Variants in KBTBD12 observed in about 807,000 individuals in gnomAD.
KBTBD12 encodes kelch repeat and BTB domain containing 12.
KBTBD12 carries 53 observed loss-of-function variants against 58.7 expected under a neutral mutation model. The observed-to-expected ratio is 0.90, with a 90% CI of 0.72 to 1.14. The LOEUF is 1.14. Ranked by LOEUF, KBTBD12 falls within the 50% of genes most tolerant of loss-of-function variation. The pLI, the probability that KBTBD12 is intolerant of heterozygous loss-of-function variation, is 0.00. For synonymous variants in KBTBD12, 236 were observed against 259.8 expected (o/e 0.91, Z 0.88); for missense variants, 704 against 751.3 (o/e 0.94, Z 0.74).
At chr3:127,966,700 C>T (rs1407900798) in intron 5 of KBTBD12, among the ~76,000 whole-genome samples, 1 of 145,420 alleles carries the variant, frequency 6.9e-6, no homozygotes, top group African/African-American at 2.4e-5. Context: ...ATAAATTATC[C>T]ATGAAGTAAA....
chr3:127,964,886 G>C (rs867646875), intron 5 of KBTBD12, among the ~76,000 whole-genome samples: 1 of 152,140 alleles, frequency 6.6e-6, no homozygotes, highest in Non-Finnish European at 1.5e-5. Flanking sequence ...TGCCATGCTT[G>C]GGTAAAGACT....
At chr3:127,957,204 G>A (rs755710580) in intron 4 of KBTBD12, among the ~76,000 whole-genome samples, 18 of 152,084 alleles carry the variant, frequency 1.2e-4, no homozygotes, top group Non-Finnish European at 1.8e-4. Flanking sequence ...ATCATTTTCT[G>A]TAAATCATTT....
Position 127,927,834 on chromosome 3 carries a change from G to A in KBTBD12, c.1141G>A (p.Gly381Ser), listed in dbSNP as rs373163160. The A allele has an allele frequency of 2.2e-5, 35 of 1,610,910 alleles. No individual in the cohort carries two copies. The highest frequency in any genetic ancestry group is 2.9e-5 in the Non-Finnish European group (34 of 1,178,510). Residue 381 changes from glycine to serine, a missense_variant, in exon 3 of 6, where the codon GGC becomes AGC. Coordinates refer to ENST00000405109, the MANE Select transcript of KBTBD12 (RefSeq NM_207335.4). ...TGAATTTCGAGAACTCTATGCTCTG[G>A]GCAGTATTCATAATGACCTTTATGT... ...TAEFRELYAL[G>S]SIHNDLYVIG... is the part of the protein sequence containing the mutation.
intron 4 of KBTBD12, among the ~76,000 whole-genome samples, chr3:127,940,352 CCTT>C (rs1185273369): frequency 6.6e-6 from 1 of 151,980 alleles, no homozygotes; most frequent in East Asian, 1.9e-4. Flanking sequence ...ATAAAACAAA[CCTT>C]AACAAAATTT....
chr3:127,963,150 G>A, intron 4 of KBTBD12, 39 bp from the exon 5 acceptor site: 1 of 1,528,600 alleles, frequency 6.5e-7, no homozygotes, highest in East Asian at 2.3e-5. Flanking sequence ...TTGAGTTTCA[G>A]TTCCTGATCC....
At chr3:127,965,337 C>A (rs1940541860) in intron 5 of KBTBD12, among the ~76,000 whole-genome samples, 2 of 152,148 alleles carry the variant, frequency 1.3e-5, no homozygotes, top group Non-Finnish European at 2.9e-5. Flanking sequence ...GCCAAAGGGA[C>A]TTACTATATG....
chr3:127,924,561 C>T (rs908792318), intron 2 of KBTBD12, among the ~76,000 whole-genome samples: 2 of 151,666 alleles, frequency 1.3e-5, no homozygotes, highest in Non-Finnish European at 2.9e-5. Flanking sequence ...GTTTAATATA[C>T]TGCTTTGTTT....
At position 127,936,933 on chromosome 3, in the gene KBTBD12, C is replaced by T. The variant is rs137884943; in HGVS notation, c.1492+6650C>T. Among the ~76,000 whole-genome samples the T allele has an allele frequency of 4.3e-4, 66 of 152,160 alleles. 1 individual carries two copies. In the East Asian group the frequency reaches 0.012, roughly 28 times the overall value. On this transcript the variant is annotated intron_variant, in intron 4 of 5. Transcript: ENST00000405109. ...CTTGAGTGGAATTGCAACCCAAATT[C>T]GCATACCCAAGTGGGAAAAAAGAAA...
At chr3:127,921,568 T>C (rs1414608391) in intron 1 of KBTBD12, among the ~76,000 whole-genome samples, 3 of 152,140 alleles carry the variant, frequency 2.0e-5, no homozygotes, top group African/African-American at 7.2e-5. Context: ...CTAATATAAC[T>C]GCCCAGGTAT....
chr3:127,927,850 A>G lies in KBTBD12; in HGVS notation c.1157A>G (p.Asp386Gly), dbSNP rs1168959935. 6.2e-7 allele frequency: 1 copy of G among 1,611,828 alleles called. No individual in the cohort carries two copies. Among genetic ancestry groups the G allele is most frequent in the African/African-American group, 1.3e-5 (1 of 74,982 alleles). Residue 386 changes from aspartate to glycine, a missense_variant, in exon 3 of 6, where the codon GAC (aspartate) becomes GGC (glycine). Asp to Gly is a moderately conservative substitution (Grantham distance 94, BLOSUM62 -1). Coordinates refer to ENST00000405109, the MANE Select transcript of KBTBD12 (RefSeq NM_207335.4). ...ELYALGSIHN[D>G]LYVIGGQMKI... ...TATGCTCTGGGCAGTATTCATAATG[A>G]CCTTTATGTTATAGGAGGACAGATG... is the stretch of plus-strand genomic sequence containing the variant.
intron 5 of KBTBD12, among the ~76,000 whole-genome samples, chr3:127,974,566 C>G (rs187530042): frequency 3.4e-3 from 518 of 152,330 alleles, no homozygotes; most frequent in Non-Finnish European, 5.3e-3. Context: ...ATCCCCAAAT[C>G]CTGGAGACTC....
At chr3:127,950,465 A>G (rs1298968552) in intron 4 of KBTBD12, among the ~76,000 whole-genome samples, 2 of 152,248 alleles carry the variant, frequency 1.3e-5, no homozygotes, top group African/African-American at 2.4e-5. Flanking sequence ...GTAAAATTCA[A>G]TTAAGTAACA....
Position 127,930,258 on chromosome 3 carries a change from A to G in KBTBD12, c.1467A>G (p.Val489=), listed in dbSNP as rs989802920. 1.5e-5 allele frequency: 24 copies of G among 1,611,782 alleles called. No individual in the cohort carries two copies. The highest frequency in any genetic ancestry group is 1.9e-5 in the Non-Finnish European group (22 of 1,178,780). The change falls in exon 4 of 6, where the codon GTA becomes GTG. Residue 489 remains valine (V), a synonymous_variant. Transcript: ENST00000405109. The part of the protein sequence containing the change: ...KYSKYRFSTA[V]VNSEIYVLGG... ...CTAAGTACCGATTCAGTACAGCTGT[A>G]GTCAACAGTGAGATTTATGTTTTGG...
chr3:127,935,745 A>G (rs982052009), intron 4 of KBTBD12, among the ~76,000 whole-genome samples: 2 of 152,166 alleles, frequency 1.3e-5, no homozygotes, highest in African/African-American at 4.8e-5. Flanking sequence ...AATTACATCA[A>G]AAGGGAATGG....
rs367912201 is a variant in KBTBD12 at position 127,927,976 on chromosome 3, G to A, written c.1283G>A (p.Cys428Tyr). The A allele has an allele frequency of 6.2e-6, 10 of 1,613,400 alleles. No homozygotes were observed. Among genetic ancestry groups the A allele is most frequent in the Non-Finnish European group, 8.5e-6 (10 of 1,179,602 alleles). Reference sequence around the variant, plus strand: ...TCTCCCCTTCCACTGCAATTGGCATGTCATGCTGTAGTGACAGTGAATAAT... The same window carrying A: ...TCTCCCCTTCCACTGCAATTGGCATATCATGCTGTAGTGACAGTGAATAAT... The part of the protein sequence containing the change: ...RVSPLPLQLA[C>Y]HAVVTVNNKL... The change falls in exon 3 of 6, where the codon TGT becomes TAT. Residue 428 changes from cysteine to tyrosine, a missense_variant. Coordinates refer to ENST00000405109, the MANE Select transcript of KBTBD12 (RefSeq NM_207335.4).
chr3:127,984,107 G>C lies in KBTBD12; in HGVS notation c.1701G>C (p.Glu567Asp), dbSNP rs1313194850. The C allele has an allele frequency of 6.2e-7, 1 of 1,613,146 alleles. No individual in the cohort carries two copies. Among genetic ancestry groups the C allele is most frequent in the Non-Finnish European group, 8.5e-7 (1 of 1,179,676 alleles). The change falls in exon 6 of 6, where the codon GAG becomes GAC. Residue 567 changes from glutamate (E) to aspartate (D), a missense_variant. Transcript: ENST00000405109. ...TTTGCTGTTTTTCAGATCGCCATGA[G>C]GTTATCTCCAAAGAAATATTGGAAC... ...CGGFHGADRH[E>D]VISKEILELD...
chr3:127,924,686 A>G (rs1369281699), intron 2 of KBTBD12, among the ~76,000 whole-genome samples: 1 of 152,130 alleles, frequency 6.6e-6, no homozygotes, highest in East Asian at 1.9e-4. Context: ...TAAATTACTA[A>G]TAATCTGTCA....
chr3:127,978,960 G>C (rs1481727688), intron 5 of KBTBD12, among the ~76,000 whole-genome samples: 1 of 152,136 alleles, frequency 6.6e-6, no homozygotes, highest in African/African-American at 2.4e-5. Context: ...AAAGTTGGAC[G>C]TGAGCTCCTG....
chr3:127,922,910 T>A, intron 1 of KBTBD12, 40 bp from the exon 2 acceptor site: 4 of 568,416 alleles, frequency 7.0e-6, no homozygotes, highest in Non-Finnish European at 1.2e-5. Context: ...TTATAGAGAA[T>A]TTTTTCTTAG....
Sources: allele counts gnomAD v4.1 joint callset (sites outside exome capture counted in the v4.1 genomes callset), GRCh38; gene constraint gnomAD v4.1.1; transcripts MANE v1.5; gene names NCBI Gene and HGNC (gene_info 2026-07-23, HGNC 2026-07-21).